RCL1: variants seen among roughly 807,000 people sequenced by gnomAD.
The protein encoded by RCL1 is RNA 3'-terminal phosphate cyclase-like protein.
In RCL1, 24 loss-of-function variants were observed where a neutral mutation model predicts 42.4. That is an observed-to-expected ratio of 0.57 (90% CI 0.41 to 0.80). The LOEUF (loss-of-function observed/expected upper bound fraction) is 0.80. Ranked by LOEUF, RCL1 falls within the 30% of genes least tolerant of loss-of-function variation. The pLI is 0.00. For synonymous variants in RCL1, 228 were observed against 177.3 expected, an observed-to-expected ratio of 1.29 and a Z score of -2.27; for missense variants, 578 against 467.9, an observed-to-expected ratio of 1.24 and a Z score of -2.17.
At chr9:4,802,447 C>T (rs1005070523) in intron 1 of RCL1, among the ~76,000 whole-genome samples, 1 of 152,074 alleles carries the variant, frequency 6.6e-6, no homozygotes, top group Admixed American at 6.6e-5. Flanking sequence ...GGATAATTGT[C>T]GTCTTTATTA....
chr9:4,808,566 C>T (rs1816061754), intron 1 of RCL1, among the ~76,000 whole-genome samples: 1 of 152,170 alleles, frequency 6.6e-6, no homozygotes, highest in South Asian at 2.1e-4. Context: ...GCCTCGGCCT[C>T]CCAGTGTGCT....
chr9:4,849,548 C>T lies in RCL1; in HGVS notation c.969C>T (p.Tyr323=). ...TCCTGCTAGGCCCTCTCTCTCCCTA[C>T]ACGTAAGTTATTCTTTTTCAACCTC... ...SKVLLGPLSP[Y]TIEFLRHLKS... The change falls in exon 8 of 9, where the codon TAC becomes TAT. Residue 323 remains tyrosine, a splice_region_variant and synonymous_variant. Transcript: ENST00000381750. The T allele has an allele frequency of 6.2e-7, 1 of 1,606,586 alleles. No individual in the cohort carries two copies. The highest frequency in any genetic ancestry group is 1.1e-5 in the South Asian group (1 of 90,900).
chr9:4,815,886 C>A (rs1438994340), intron 1 of RCL1, among the ~76,000 whole-genome samples: 1 of 152,012 alleles, frequency 6.6e-6, no homozygotes, highest in Non-Finnish European at 1.5e-5. Context: ...TTCCTTACCT[C>A]CTTGCAGCAG....
intron 1 of RCL1, among the ~76,000 whole-genome samples, chr9:4,793,624 T>C (rs997718725): frequency 5.3e-5 from 8 of 152,286 alleles, no homozygotes; most frequent in South Asian, 4.1e-4. Context: ...GGGAGAGACA[T>C]TGGGAGAGAA....
chr9:4,799,178 T>C (rs1383175519), intron 1 of RCL1, among the ~76,000 whole-genome samples: 2 of 151,332 alleles, frequency 1.3e-5, no homozygotes, highest in Non-Finnish European at 2.9e-5. Context: ...CTCACTATGT[T>C]GATCAGAGTG....
At chr9:4,814,629 T>C (rs1371533572) in intron 1 of RCL1, among the ~76,000 whole-genome samples, 2 of 152,204 alleles carry the variant, frequency 1.3e-5, no homozygotes, top group Admixed American at 6.5e-5. Context: ...TCCCGTCTTA[T>C]TGTTTGTCAT....
chr9:4,838,952 T>C lies in RCL1; in HGVS notation c.585-2280T>C, dbSNP rs185118383. On this transcript the variant is annotated intron_variant, in intron 5 of 8. Coordinates refer to ENST00000381750, the MANE Select transcript of RCL1 (RefSeq NM_005772.5). ...TTAAGAGCTTTACATGCATTTTATT[T>C]CATTTGTGCCTCCAAACTCTGTGAG... Among the ~76,000 whole-genome samples the C allele has an allele frequency of 3.3e-5, 5 of 152,352 alleles. No individual in the cohort carries two copies. In the East Asian group the frequency reaches 9.6e-4, roughly 29 times the overall value.
intron 3 of RCL1, 82 bp downstream of exon 3, chr9:4,827,115 A>G (rs745703123): frequency 1.9e-6 from 3 of 1,591,854 alleles, no homozygotes; most frequent in Non-Finnish European, 1.7e-6. Flanking sequence ...AGTTCCTTAT[A>G]AGGCACAGTT....
At chr9:4,860,055 A>T in intron 8 of RCL1, 70 bp from the exon 9 acceptor site, 1 of 1,093,152 alleles carries the variant, frequency 9.1e-7, no homozygotes, top group Non-Finnish European at 1.3e-6. Context: ...CTTGGATTCT[A>T]GGTGGTAGAG....
chr9:4,802,262 C>A (rs138627089), intron 1 of RCL1, among the ~76,000 whole-genome samples: 1,796 of 152,098 alleles, frequency 0.012, 29 homozygotes, highest in African/African-American at 0.042. Context: ...CTGTAGCTGT[C>A]TAATGAGTCT....
At chr9:4,801,468 C>T (rs118060443) in intron 1 of RCL1, among the ~76,000 whole-genome samples, 9 of 152,296 alleles carry the variant, frequency 5.9e-5, no homozygotes, top group East Asian at 3.9e-4. Flanking sequence ...GTGTGAACCA[C>T]GGTGCCTGGC....
intron 1 of RCL1, among the ~76,000 whole-genome samples, chr9:4,815,351 C>T (rs889875941): frequency 7.2e-5 from 11 of 152,004 alleles, no homozygotes; most frequent in Non-Finnish European, 1.0e-4. Flanking sequence ...GACTTATCTT[C>T]AAGTTCAGAG....
chr9:4,812,343 C>T (rs953650040), intron 1 of RCL1, among the ~76,000 whole-genome samples: 1 of 69,986 alleles, frequency 1.4e-5, no homozygotes, highest in African/African-American at 2.7e-5. Flanking sequence ...TCTTTAAGTT[C>T]ATTTTTTTTT....
chr9:4,821,165 T>G (rs1405106225), intron 1 of RCL1, among the ~76,000 whole-genome samples: 1 of 152,174 alleles, frequency 6.6e-6, no homozygotes, highest in African/African-American at 2.4e-5. Flanking sequence ...AGCTTATGCC[T>G]GTAATCCCAG....
chr9:4,840,032 CTGGGGGCTCT>C (rs1410569879), intron 5 of RCL1, among the ~76,000 whole-genome samples: 7 of 151,812 alleles, frequency 4.6e-5, no homozygotes, highest in African/African-American at 1.7e-4. Context: ...ACTGAGCAGG[CTGGGGGCTCT>C]AACAACAAGA....
intron 3 of RCL1, among the ~76,000 whole-genome samples, chr9:4,832,406 G>C (rs1034581478): frequency 6.6e-6 from 1 of 152,124 alleles, no homozygotes; most frequent in African/African-American, 2.4e-5. Flanking sequence ...TAGTTAATTT[G>C]GTTTGCTTTG....
chr9:4,826,069 TAAAGAAAAA>T (rs1816751001), intron 2 of RCL1, among the ~76,000 whole-genome samples: 1 of 138,916 alleles, frequency 7.2e-6, no homozygotes, highest in South Asian at 2.3e-4. Flanking sequence ...TTCTCTAAAA[TAAAGAAAAA>T]AAAGAAAGAA....
At position 4,841,235 on chromosome 9, in the gene RCL1, C is replaced by G. The variant is rs1353837285; in HGVS notation, c.588C>G (p.Tyr196Ter). 6.2e-7 allele frequency: 1 copy of G among 1,613,840 alleles called. No homozygotes were observed. The highest frequency in any genetic ancestry group is 2.2e-5 in the East Asian group (1 of 44,888). ...GKIKRIRGMA[Y>*]SVRVSPQMAN... Reference sequence around the variant, plus strand: ...CATCCTTAACTCCAGGCTGCAGGTACTCTGTACGTGTGTCACCTCAGATGG... The same window carrying G: ...CATCCTTAACTCCAGGCTGCAGGTAGTCTGTACGTGTGTCACCTCAGATGG... The change falls in exon 6 of 9, where the codon TAC becomes TAG. Residue 196 changes from tyrosine to a stop codon, truncating the protein, a stop_gained. Transcript: ENST00000381750. LOFTEE classifies it high-confidence loss of function.
intron 1 of RCL1, among the ~76,000 whole-genome samples, chr9:4,807,014 T>G (rs1815999046): frequency 6.6e-6 from 1 of 152,246 alleles, no homozygotes; most frequent in South Asian, 2.1e-4. Context: ...TCTAACTTGT[T>G]GAATTAATAT....
Sources: gnomAD v4.1 joint callset for allele counts (sites outside exome capture counted in the v4.1 genomes callset) on GRCh38, gnomAD v4.1.1 for gene constraint, MANE v1.5 for transcripts, NCBI Gene and HGNC (gene_info 2026-07-23, HGNC 2026-07-21) for gene names.